Variants in LPCAT1 observed in about 807,000 individuals in gnomAD.
The protein encoded by LPCAT1 is lysophosphatidylcholine acyltransferase 1.
A neutral mutation model predicts 60.9 loss-of-function variants in LPCAT1; 23 were observed. The observed-to-expected ratio is 0.38, with a 90% CI of 0.27 to 0.53. The LOEUF (loss-of-function observed/expected upper bound fraction) is 0.53, where lower values mean the gene tolerates loss of function less well. Among genes scored for constraint, LPCAT1 ranks in the 20% least tolerant of loss-of-function variants. The probability of loss-of-function intolerance (pLI) is 0.82; values close to 1 mark genes in which losing one functional copy is unlikely to be tolerated. For missense variants in LPCAT1, 622 were observed against 723.6 expected (o/e 0.86, Z 1.61); for synonymous variants, 340 against 301.1 (o/e 1.13, Z -1.34).
intron 1 of LPCAT1, 82 bp from the exon 2 acceptor site, chr5:1,501,685 G>T (rs993153005): frequency 7.1e-7 from 1 of 1,407,684 alleles, no homozygotes; most frequent in Non-Finnish European, 1.0e-6. Flanking sequence ...TAGCCCAGGG[G>T]GACAGCGCGC....
At chr5:1,507,281 C>A (rs552795772) in intron 1 of LPCAT1, among the ~76,000 whole-genome samples, 273 of 152,314 alleles carry the variant, frequency 1.8e-3, no homozygotes, top group African/African-American at 6.4e-3. Flanking sequence ...CACCACAGGA[C>A]CCTGATCACC....
At chr5:1,491,152 T>C (rs1420875388) in intron 3 of LPCAT1, among the ~76,000 whole-genome samples, 1 of 109,678 alleles carries the variant, frequency 9.1e-6, no homozygotes, top group Non-Finnish European at 2.2e-5. Context: ...TTTTGCTTTT[T>C]CACGATTCCA....
At chr5:1,492,701 T>G (rs887906291) in intron 3 of LPCAT1, among the ~76,000 whole-genome samples, 1 of 152,206 alleles carries the variant, frequency 6.6e-6, no homozygotes. Flanking sequence ...TGGGTTGATC[T>G]GGAAGAGGTG....
intron 13 of LPCAT1, among the ~76,000 whole-genome samples, chr5:1,464,643 G>GCACACA (rs36081788): frequency 6.8e-6 from 1 of 147,074 alleles, no homozygotes; most frequent in African/African-American, 2.5e-5. Context: ...ACACATGCGT[G>GCACACA]CACACACACA....
At chr5:1,497,051 T>C (rs547914231) in intron 2 of LPCAT1, among the ~76,000 whole-genome samples, 1 of 152,146 alleles carries the variant, frequency 6.6e-6, no homozygotes, top group South Asian at 2.1e-4. Flanking sequence ...AGCAGCTGCA[T>C]GGCAGAGAAG....
chr5:1,468,017 C>T (rs1045829107), intron 12 of LPCAT1, among the ~76,000 whole-genome samples: 10 of 152,134 alleles, frequency 6.6e-5, no homozygotes, highest in African/African-American at 2.4e-4. Context: ...CTGGGAGGGG[C>T]GTCGCCTCTC....
In LPCAT1 at chr5:1,481,868, C is replaced by T. The variant is rs995454352; in HGVS notation, c.727-892G>A. Among the ~76,000 whole-genome samples, 2 of 152,244 alleles carry T rather than the reference C, an allele frequency of 1.3e-5. No homozygotes were observed. Among genetic ancestry groups the T allele is most frequent in the African/African-American group, 4.8e-5 (2 of 41,464 alleles). On this transcript the variant is annotated intron_variant, in intron 6 of 13. Coordinates refer to ENST00000283415, the MANE Select transcript of LPCAT1 (RefSeq NM_024830.5). The surrounding 1 kb of genome is among the most constrained non-coding windows in gnomAD (Gnocchi z 7.8). ...GCCCTGACTCCATTTTATTACCTGA[C>T]CGTCAGCTCTCCGGGCAAAGTGAAG...
chr5:1,493,912 A>G (rs1434244692), intron 3 of LPCAT1, among the ~76,000 whole-genome samples: 2 of 152,236 alleles, frequency 1.3e-5, no homozygotes, highest in African/African-American at 4.8e-5. Context: ...TGGTCCTTAT[A>G]AGAGACTCAT....
At position 1,496,145 on chromosome 5, in the gene LPCAT1, G is replaced by A. The variant is rs1485189553; in HGVS notation, c.279-1231C>T. Among the ~76,000 whole-genome samples, 1 of 152,176 alleles carries A rather than the reference G, an allele frequency of 6.6e-6. No individual in the cohort carries two copies. Among genetic ancestry groups the A allele is most frequent in the Non-Finnish European group, 1.5e-5 (1 of 68,034 alleles). On this transcript the variant is annotated intron_variant, in intron 2 of 13. Transcript: ENST00000283415. The surrounding 1 kb of genome is among the most constrained non-coding windows in gnomAD (Gnocchi z 4.7). The stretch of plus-strand genomic sequence containing the variant: ...GGAGGCCAAGGCAGGTGGATCACTT[G>A]AGGTCAGGAGCTCAAGACCAGCCTG...
chr5:1,509,591 C>T lies in LPCAT1; in HGVS notation c.136-7988G>A, dbSNP rs149019202. Reference sequence around the variant, plus strand: ...GGCATCTGAGAGCTGGAGGGAGCTTCGGGAATCACCCACTCCCGTCCAGCA... The same window carrying T: ...GGCATCTGAGAGCTGGAGGGAGCTTTGGGAATCACCCACTCCCGTCCAGCA... On this transcript the variant is annotated intron_variant, in intron 1 of 13. Transcript: ENST00000283415. 5.0e-4 allele frequency among the ~76,000 whole-genome samples: 76 copies of T among 152,322 alleles called. 2 individuals are homozygous for T. Among genetic ancestry groups the T allele is most frequent in the African/African-American group, 1.7e-3 (71 of 41,572 alleles).
intron 12 of LPCAT1, among the ~76,000 whole-genome samples, chr5:1,469,750 C>T (rs1169743209): frequency 6.6e-6 from 1 of 151,924 alleles, no homozygotes; most frequent in Non-Finnish European, 1.5e-5. Context: ...CACTGCACTC[C>T]AGCCTGGACA....
At chr5:1,514,282 C>A (rs939077454) in intron 1 of LPCAT1, among the ~76,000 whole-genome samples, 6 of 152,356 alleles carry the variant, frequency 3.9e-5, no homozygotes, top group African/African-American at 1.4e-4. Context: ...GCCCAGTGAG[C>A]GATATCCAAA....
intron 8 of LPCAT1, among the ~76,000 whole-genome samples, chr5:1,478,593 G>T (rs1735014904): frequency 6.6e-6 from 1 of 152,268 alleles, no homozygotes; most frequent in South Asian, 2.1e-4. Context: ...TGCTGGGTGG[G>T]GGAACTGCCG....
chr5:1,511,044 C>T (rs933278254), intron 1 of LPCAT1, among the ~76,000 whole-genome samples: 5 of 152,210 alleles, frequency 3.3e-5, no homozygotes, highest in Non-Finnish European at 1.5e-5. Context: ...TCCCCACCAG[C>T]GTCTGAGGGG....
At chr5:1,517,369 C>A (rs1736535029) in intron 1 of LPCAT1, among the ~76,000 whole-genome samples, 2 of 152,184 alleles carry the variant, frequency 1.3e-5, no homozygotes, top group Admixed American at 1.3e-4. Flanking sequence ...AGACAGGTGA[C>A]CTCGTGGAAG....
chr5:1,488,344 T>A (rs762523162), intron 5 of LPCAT1, 47 bp downstream of exon 5: 56 of 1,221,714 alleles, frequency 4.6e-5, no homozygotes, highest in Admixed American at 1.9e-4. Context: ...TCTTTAATAT[T>A]TTCCTTTTCT....
In LPCAT1 at chr5:1,481,752, C is replaced by T. The variant is rs1477807166; in HGVS notation, c.727-776G>A. ...TTGCACTGGGGCATGGTTTCCGCAGCGGAGGCAGGAAGGGGCCCTTGGCCA... is the reference window on the plus strand; with the variant it reads ...TTGCACTGGGGCATGGTTTCCGCAGTGGAGGCAGGAAGGGGCCCTTGGCCA... On this transcript the variant is annotated intron_variant, in intron 6 of 13. Coordinates refer to ENST00000283415, the MANE Select transcript of LPCAT1 (RefSeq NM_024830.5). The surrounding 1 kb of genome is among the most constrained non-coding windows in gnomAD (Gnocchi z 7.8). Among the ~76,000 whole-genome samples the T allele has an allele frequency of 6.6e-6, 1 of 152,260 alleles. No homozygotes were observed. The highest frequency in any genetic ancestry group is 1.5e-5 in the Non-Finnish European group (1 of 68,046).
At position 1,501,614 on chromosome 5, in the gene LPCAT1, A is replaced by AG; in HGVS notation, c.136-12dup. The AG allele has an allele frequency of 2.5e-6, 4 of 1,613,234 alleles. No individual in the cohort carries two copies. The highest frequency in any genetic ancestry group is 3.4e-6 in the Non-Finnish European group (4 of 1,179,492). ...TGTCATGAGGGCCACCTGCAGACAG[A>AG]GGGGGGCATTATCCAGAGAATCCAT... is the stretch of plus-strand genomic sequence containing the variant. On this transcript the variant is annotated splice_polypyrimidine_tract_variant and intron_variant, in intron 1 of 13. Coordinates refer to ENST00000283415, the MANE Select transcript of LPCAT1 (RefSeq NM_024830.5).
intron 13 of LPCAT1, among the ~76,000 whole-genome samples, chr5:1,464,351 T>C (rs774458887): frequency 3.3e-5 from 5 of 152,152 alleles, no homozygotes; most frequent in Non-Finnish European, 7.4e-5. Flanking sequence ...CATGGAGGCT[T>C]CTGGTGGGGC....
Sources: allele counts gnomAD v4.1 joint callset (sites outside exome capture counted in the v4.1 genomes callset), GRCh38; gene constraint gnomAD v4.1.1; non-coding constraint Gnocchi (gnomAD v3.1); transcripts MANE v1.5; gene names NCBI Gene and HGNC (gene_info 2026-07-23, HGNC 2026-07-21).